COA1: variants seen among roughly 807,000 people sequenced by gnomAD.
The protein encoded by COA1 is cytochrome c oxidase assembly factor 1, also known as cytochrome c oxidase assembly factor 1 homolog.
In COA1, 13 loss-of-function variants were observed where a neutral mutation model predicts 16.0. The observed-to-expected ratio is 0.81, with a 90% CI of 0.53 to 1.29. COA1 has a LOEUF of 1.29. Among genes scored for constraint, COA1 ranks in the 50% most tolerant of loss-of-function variants. The probability of loss-of-function intolerance (pLI) is 0.00; values close to 1 mark genes in which losing one functional copy is unlikely to be tolerated. For missense variants in COA1, 179 were observed against 177.0 expected, an observed-to-expected ratio of 1.01 and a Z score of -0.06; for synonymous variants, 65 against 65.7, an observed-to-expected ratio of 0.99 and a Z score of 0.05.
rs751228468 is a variant in COA1, at chr7:43,640,585, C to T, written c.329G>A (p.Gly110Asp). 3.1e-5 allele frequency: 50 copies of T among 1,606,394 alleles called. No individual in the cohort carries two copies. Among genetic ancestry groups the T allele is most frequent in the Non-Finnish European group, 4.2e-5 (49 of 1,176,646 alleles). ...GLLYVHSSRG[G>D]PFQRWHLDEV... ...CTTCCCAGGATACCTCTGAAAGGGG[C>T]CACCTCTGGATGAGTGGACGTAGAG... Residue 110 changes from glycine to aspartate, a missense_variant, in exon 5 of 6, where the codon GGC becomes GAC. Physicochemically the swap from Gly to Asp is moderately conservative, Grantham distance 94. Transcript: ENST00000223336.
intron 1 of COA1, among the ~76,000 whole-genome samples, chr7:43,670,473 A>G (rs2093190241): frequency 6.6e-6 from 1 of 152,112 alleles, no homozygotes; most frequent in Non-Finnish European, 1.5e-5. Flanking sequence ...AATTTTCATC[A>G]TAAACTCAGT....
intron 1 of COA1, among the ~76,000 whole-genome samples, chr7:43,719,572 T>C (rs2095465237): frequency 6.6e-6 from 1 of 152,160 alleles, no homozygotes; most frequent in Non-Finnish European, 1.5e-5. Context: ...ACTGTCGAGT[T>C]CTAAATTTCC....
chr7:43,663,528 C>T (rs1459708422), intron 1 of COA1, among the ~76,000 whole-genome samples: 3 of 151,822 alleles, frequency 2.0e-5, no homozygotes, highest in African/African-American at 2.4e-5. Flanking sequence ...CAAAAACTTA[C>T]GGGCTCGTGC....
intron 1 of COA1, among the ~76,000 whole-genome samples, chr7:43,721,372 T>C (rs1015307226): frequency 3.3e-5 from 5 of 152,200 alleles, no homozygotes; most frequent in Non-Finnish European, 5.9e-5. Context: ...CAATCTTTAT[T>C]AGTAAATCCT....
intron 6 of COA1, chr7:43,622,449 A>G (rs555246463): frequency 2.0e-5 from 3 of 151,842 alleles, no homozygotes; most frequent in African/African-American, 7.2e-5. Context: ...TCCTTTTTTT[A>G]ATTGTAATTA....
chr7:43,612,757 A>C (rs901161978), intron 6 of COA1, among the ~76,000 whole-genome samples: 2 of 151,396 alleles, frequency 1.3e-5, no homozygotes, highest in African/African-American at 4.9e-5. Context: ...CAAAAGACTG[A>C]TTCACTGAAG....
intron 1 of COA1, among the ~76,000 whole-genome samples, chr7:43,717,128 A>G (rs1563473158): frequency 6.6e-6 from 1 of 152,256 alleles, no homozygotes; most frequent in Non-Finnish European, 1.5e-5. Flanking sequence ...GAGCCCCCAC[A>G]CAGAGTCCCT....
At chr7:43,657,399 T>C (rs779924146) in intron 1 of COA1, 1 of 152,260 alleles carries the variant, frequency 6.6e-6, no homozygotes, top group Non-Finnish European at 1.5e-5. Flanking sequence ...TTGAAAATTA[T>C]GGTAAAAATC....
intron 1 of COA1, among the ~76,000 whole-genome samples, chr7:43,721,773 T>C (rs2095509440): frequency 6.6e-6 from 1 of 151,918 alleles, no homozygotes; most frequent in Non-Finnish European, 1.5e-5. Flanking sequence ...TATTTTACTG[T>C]ACGGTAATTT....
At chr7:43,621,565 A>G (rs1457476387) in intron 6 of COA1, among the ~76,000 whole-genome samples, 1 of 152,098 alleles carries the variant, frequency 6.6e-6, no homozygotes, top group East Asian at 1.9e-4. Context: ...GCAGCTCCCA[A>G]CTTGAGCTCC....
chr7:43,647,780 A>C, intron 2 of COA1, 146 bp from the exon 3 acceptor site: 1 of 648,734 alleles, frequency 1.5e-6, no homozygotes, highest in East Asian at 2.8e-5. Context: ...TCCTTTCCAA[A>C]TGCCAGGGTT....
At chr7:43,678,404 T>C (rs899221343) in intron 1 of COA1, among the ~76,000 whole-genome samples, 1 of 152,206 alleles carries the variant, frequency 6.6e-6, no homozygotes, top group African/African-American at 2.4e-5. Flanking sequence ...GGGAAAGTTC[T>C]GTCACATTTG....
intron 4 of COA1, among the ~76,000 whole-genome samples, chr7:43,644,522 C>G (rs1584268105): frequency 6.6e-6 from 1 of 151,536 alleles, no homozygotes; most frequent in Non-Finnish European, 1.5e-5. Context: ...GATATAGATG[C>G]ATTTCTCTTT....
At chr7:43,685,353 C>A (rs981770041) in intron 1 of COA1, among the ~76,000 whole-genome samples, 3 of 152,048 alleles carry the variant, frequency 2.0e-5, no homozygotes, top group Non-Finnish European at 4.4e-5. Flanking sequence ...CATTACAGAT[C>A]CAACCCAAAT....
intron 1 of COA1, among the ~76,000 whole-genome samples, chr7:43,709,027 CTTTT>C (rs538423823): frequency 7.0e-6 from 1 of 143,296 alleles, no homozygotes. Context: ...CTCCTATAAT[CTTTT>C]TTTTTTTTTT....
chr7:43,629,833 T>C (rs927595280), intron 6 of COA1, among the ~76,000 whole-genome samples: 2 of 152,254 alleles, frequency 1.3e-5, no homozygotes, highest in African/African-American at 4.8e-5. Flanking sequence ...TCAGATTTCC[T>C]GACTGCTCGT....
At chr7:43,695,370 T>G (rs1201447323) in intron 1 of COA1, among the ~76,000 whole-genome samples, 2 of 152,128 alleles carry the variant, frequency 1.3e-5, no homozygotes, top group African/African-American at 2.4e-5. Flanking sequence ...TGCAGTTCTA[T>G]GAGCATGTCA....
In COA1 at chr7:43,651,945, C is replaced by T. The variant is rs548046198; in HGVS notation, c.-38-3293G>A. Among the ~76,000 whole-genome samples, 4 of 152,198 alleles carry T rather than the reference C, an allele frequency of 2.6e-5. No homozygotes were observed. The East Asian group carries it at 5.8e-4, about 22-fold the overall frequency. ...CCAGGAGGTGGAGGTTGCCATGAGC[C>T]GAGACCATGCCCCTGCACTCCAGCC... On this transcript the variant is annotated intron_variant, in intron 1 of 5. Transcript: ENST00000223336.
At chr7:43,613,897 C>A (rs898829668) in intron 6 of COA1, among the ~76,000 whole-genome samples, 1 of 152,054 alleles carries the variant, frequency 6.6e-6, no homozygotes. Flanking sequence ...AAAAAAGTAG[C>A]CAGAAGCTGG....
Sources: gnomAD v4.1 joint callset for allele counts (sites outside exome capture counted in the v4.1 genomes callset) on GRCh38, gnomAD v4.1.1 for gene constraint, MANE v1.5 for transcripts, NCBI Gene and HGNC (gene_info 2026-07-23, HGNC 2026-07-21) for gene names.